Variants in ADCY2 observed in about 807,000 individuals in gnomAD.
The protein encoded by ADCY2 is adenylate cyclase 2.
A neutral mutation model predicts 125.2 loss-of-function variants in ADCY2; 31 were observed. The ratio of observed to expected loss-of-function variants is 0.25; its 90% CI spans 0.19 to 0.33. The LOEUF is 0.33. Ranked by LOEUF, ADCY2 falls within the 10% of genes least tolerant of loss-of-function variation. The pLI, the probability that ADCY2 is intolerant of heterozygous loss-of-function variation, is 1.00. For synonymous variants in ADCY2, 512 were observed against 548.4 expected (o/e 0.93, Z 0.93); for missense variants, 904 against 1,418.2 (o/e 0.64, Z 5.82).
At chr5:7,550,575 C>G (rs1235922282) in intron 3 of ADCY2, among the ~76,000 whole-genome samples, 1 of 152,174 alleles carries the variant, frequency 6.6e-6, no homozygotes, top group Non-Finnish European at 1.5e-5. Context: ...ATGTCTATGT[C>G]CCTCTTGGCC....
rs180850879 is a variant in ADCY2 at position 7,581,585 on chromosome 5, C to A, written c.571-44582C>A. The stretch of plus-strand genomic sequence containing the variant: ...CTGTAATCCTAGCACTTTGGGGGGC[C>A]GAAGTGGGCAGATCACGAGGTCAAG... On this transcript the variant is annotated intron_variant, in intron 3 of 24. Transcript: ENST00000338316. Among the ~76,000 whole-genome samples the A allele has an allele frequency of 2.0e-5, 3 of 151,776 alleles. No homozygotes were observed. The East Asian group carries it at 5.8e-4, about 29-fold the overall frequency.
At chr5:7,633,491 T>TA (rs1178231778) in intron 4 of ADCY2, among the ~76,000 whole-genome samples, 4 of 151,014 alleles carry the variant, frequency 2.6e-5, no homozygotes, top group African/African-American at 4.9e-5. Context: ...AAAATAAAAA[T>TA]AAAAAAGAAT....
At position 7,757,553 on chromosome 5, in the gene ADCY2, A is replaced by G. The variant is rs2126458435; in HGVS notation, c.2061A>G (p.Thr687=). 1 of 1,548,768 alleles carries G rather than the reference A, an allele frequency of 6.5e-7. No individual in the cohort carries two copies. Among genetic ancestry groups the G allele is most frequent in the South Asian group, 1.1e-5 (1 of 88,050 alleles). ...GGATCTCTCTCACGATCATCACCAC[A>G]GCCATCATATTAATGATGGCCGTGT... The part of the protein sequence containing the change: ...WPRISLTIIT[T]AIILMMAVFN... The change falls in exon 16 of 25, where the codon ACA becomes ACG. Residue 687 remains threonine (T), a synonymous_variant. Coordinates refer to ENST00000338316, the MANE Select transcript of ADCY2 (RefSeq NM_020546.3).
chr5:7,805,174 T>A (rs1332122184), intron 22 of ADCY2, among the ~76,000 whole-genome samples: 2 of 143,524 alleles, frequency 1.4e-5, no homozygotes, highest in Admixed American at 6.8e-5. Context: ...AAAAAAAAAA[T>A]AGCCAGGTGT....
intron 2 of ADCY2, among the ~76,000 whole-genome samples, chr5:7,478,671 A>G (rs141583471): frequency 2.6e-4 from 39 of 152,312 alleles, no homozygotes; most frequent in African/African-American, 8.9e-4. Context: ...ACTAAACTCA[A>G]CACACACTGA....
At chr5:7,473,303 A>C (rs997225641) in intron 2 of ADCY2, among the ~76,000 whole-genome samples, 1 of 152,200 alleles carries the variant, frequency 6.6e-6, no homozygotes, top group Non-Finnish European at 1.5e-5. Flanking sequence ...GCTGCTTCCA[A>C]CATGGCGGAA....
At chr5:7,573,413 G>A (rs2126603446) in intron 3 of ADCY2, among the ~76,000 whole-genome samples, 1 of 152,066 alleles carries the variant, frequency 6.6e-6, no homozygotes, top group South Asian at 2.1e-4. Context: ...GGGTGTCAGG[G>A]GTGTGTGCTC....
chr5:7,495,732 C>T (rs1579503085), intron 2 of ADCY2, among the ~76,000 whole-genome samples: 2 of 152,172 alleles, frequency 1.3e-5, no homozygotes, highest in South Asian at 2.1e-4. Flanking sequence ...GAACGTTATG[C>T]GAGTATGCTA....
At chr5:7,638,742 C>G (rs1359911944) in intron 4 of ADCY2, among the ~76,000 whole-genome samples, 2 of 152,198 alleles carry the variant, frequency 1.3e-5, no homozygotes, top group Admixed American at 1.3e-4. Flanking sequence ...ATCTTCCTAG[C>G]TGGCCTGTTT....
intron 18 of ADCY2, among the ~76,000 whole-genome samples, chr5:7,774,661 G>A (rs1432285366): frequency 6.6e-6 from 1 of 152,098 alleles, no homozygotes; most frequent in Non-Finnish European, 1.5e-5. Flanking sequence ...TTGAAGAAAA[G>A]GAGTTTTGCC....
chr5:7,447,284 C>T (rs1272325861), intron 2 of ADCY2, among the ~76,000 whole-genome samples: 1 of 152,182 alleles, frequency 6.6e-6, no homozygotes, highest in Non-Finnish European at 1.5e-5. Flanking sequence ...GCCTGGACGG[C>T]CCTGCACACT....
chr5:7,439,769 T>G (rs900482156), intron 2 of ADCY2, among the ~76,000 whole-genome samples: 20 of 151,768 alleles, frequency 1.3e-4, no homozygotes, highest in Non-Finnish European at 2.2e-4. Context: ...TGTGGAAGAG[T>G]CCAGGGCACT....
At chr5:7,633,429 C>A (rs1272601550) in intron 4 of ADCY2, among the ~76,000 whole-genome samples, 1 of 148,330 alleles carries the variant, frequency 6.7e-6, no homozygotes. Context: ...GAGCAAGACT[C>A]CATCTCAAAA....
At chr5:7,776,370 C>A (rs1743727009) in intron 18 of ADCY2, among the ~76,000 whole-genome samples, 1 of 152,028 alleles carries the variant, frequency 6.6e-6, no homozygotes, top group South Asian at 2.1e-4. Context: ...TTTGTCCCAT[C>A]CGTTTGGTGA....
Position 7,766,774 on chromosome 5 carries a change from A to G in ADCY2, c.2182A>G (p.Ile728Val), listed in dbSNP as rs1743395580. The G allele has an allele frequency of 1.9e-6, 3 of 1,611,154 alleles. No individual in the cohort carries two copies. The African/African-American group carries it at 4.0e-5, about 22-fold the overall frequency. The change falls in exon 17 of 25, where the codon ATT becomes GTT. Residue 728 changes from isoleucine (I) to valine (V), a missense_variant. Around this residue, in one of 7 missense-constraint regions of ADCY2, gnomAD observed 221 missense variants for 246.2 expected, o/e 0.90. Transcript: ENST00000338316. ...SFSASNNQVA[I>V]LRAQNLFFLP... ...TTCAGCCTCAAATAATCAGGTGGCGATTCTGCGTGCGCAGAATTTATTTTT... is the reference window on the plus strand; with the variant it reads ...TTCAGCCTCAAATAATCAGGTGGCGGTTCTGCGTGCGCAGAATTTATTTTT...
chr5:7,416,247 G>C (rs1395963593), intron 2 of ADCY2, among the ~76,000 whole-genome samples: 1 of 152,210 alleles, frequency 6.6e-6, no homozygotes, highest in Non-Finnish European at 1.5e-5. Context: ...GGAGGAGGCT[G>C]GACTAAGTGA....
At chr5:7,759,010 C>T (rs1248334545) in intron 16 of ADCY2, among the ~76,000 whole-genome samples, 2 of 152,200 alleles carry the variant, frequency 1.3e-5, no homozygotes, top group African/African-American at 4.8e-5. Flanking sequence ...GTGATGCCAC[C>T]TGGACCCCAG....
intron 3 of ADCY2, among the ~76,000 whole-genome samples, chr5:7,616,404 C>A (rs1232835200): frequency 6.6e-6 from 1 of 152,176 alleles, no homozygotes; most frequent in East Asian, 1.9e-4. Context: ...TCATGAGAAG[C>A]CTGCCTTGTA....
chr5:7,617,674 C>T (rs1328186751), intron 3 of ADCY2, among the ~76,000 whole-genome samples: 2 of 152,132 alleles, frequency 1.3e-5, no homozygotes, highest in South Asian at 2.1e-4. Flanking sequence ...TACAAGAAGT[C>T]AGAGTATGGT....
Sources: gnomAD v4.1 joint callset for allele counts (sites outside exome capture counted in the v4.1 genomes callset) on GRCh38, gnomAD v4.1.1 for gene constraint, gnomAD v4.1.1 regional missense constraint, MANE v1.5 for transcripts, NCBI Gene and HGNC (gene_info 2026-07-23, HGNC 2026-07-21) for gene names.